ASB15: variants seen among roughly 807,000 people sequenced by gnomAD.
ASB15 encodes ankyrin repeat and SOCS box containing 15, also known as ankyrin repeat and SOCS box protein 15.
A neutral mutation model predicts 58.0 loss-of-function variants in ASB15; 54 were observed. The observed-to-expected ratio is 0.93, with a 90% CI of 0.75 to 1.17. ASB15 has a LOEUF of 1.17. ASB15 is among the 50% of genes most tolerant of loss of function. The pLI is 0.00. For synonymous variants in ASB15, 249 were observed against 262.4 expected (o/e 0.95, Z 0.50); for missense variants, 680 against 707.4 (o/e 0.96, Z 0.44).
At position 123,638,185 on chromosome 7, in the gene ASB15, A is replaced by G. The variant is rs1464576995; in HGVS notation, c.*1204A>G. On this transcript the variant is annotated 3_prime_UTR_variant, in exon 12 of 12. Transcript: ENST00000451215. ...GTCCCAAACACTTTCTACATACAGC[A>G]TCTCAGAAGAGTCTTTTACAAATAT... 1 of 152,074 alleles carries G rather than the reference A, an allele frequency of 6.6e-6. No homozygotes were observed. Among genetic ancestry groups the G allele is most frequent in the Non-Finnish European group, 1.5e-5 (1 of 68,018 alleles). The allele number at this position is 152,074 out of a possible 1,614,324, so 9.4% of individuals were successfully genotyped here. A position where few individuals can be genotyped will look rare whatever the true frequency, so the allele number is the denominator to read the frequency against.
rs1801869992 is a variant in ASB15 at position 123,627,429 on chromosome 7, TA to T, written c.869+149del. ...TTTTGATGCTCCAAATTTAGATATT[TA>T]GAACTTATTTAATTTTCCTCCTTTT... is the stretch of plus-strand genomic sequence containing the variant. On this transcript the variant is annotated intron_variant, in intron 9 of 11. Coordinates refer to ENST00000451215, the MANE Select transcript of ASB15 (RefSeq NM_001290258.2). The T allele has an allele frequency of 5.0e-6, 3 of 604,030 alleles. No individual in the cohort carries two copies. In the East Asian group the frequency reaches 9.4e-5, roughly 19 times the overall value. 37.4% of individuals were successfully genotyped at this position (604,030 alleles called of 1,614,324 possible). A position where few individuals can be genotyped will look rare whatever the true frequency, so the allele number is the denominator to read the frequency against.
chr7:123,621,360 C>G lies in ASB15; in HGVS notation c.452-3209C>G, dbSNP rs988939638. On this transcript the variant is annotated intron_variant, in intron 7 of 11. Coordinates refer to ENST00000451215, the MANE Select transcript of ASB15 (RefSeq NM_001290258.2). ...TGCTCATATACATCCTCATCAGCCA[C>G]ACATCTGGGGAATAGGGACTTTTCC... The G allele has an allele frequency of 3.9e-5, 6 of 152,172 alleles. 1 individual carries two copies. The highest frequency in any genetic ancestry group is 2.6e-4 in the Admixed American group (4 of 15,282). 9.4% of individuals were successfully genotyped at this position (152,172 alleles called of 1,614,324 possible). A position where few individuals can be genotyped will look rare whatever the true frequency, so the allele number is the denominator to read the frequency against.
At position 123,636,829 on chromosome 7, in the gene ASB15, C is replaced by CA. The variant is rs1802452421; in HGVS notation, c.1616dup (p.His539GlnfsTer38). On this transcript the variant is annotated frameshift_variant, in exon 12 of 12. Coordinates refer to ENST00000451215, the MANE Select transcript of ASB15 (RefSeq NM_001290258.2). LOFTEE classifies it high-confidence loss of function. The stretch of plus-strand genomic sequence containing the variant: ...TTTAGAGAATCCTTGTTCATTGAAG[C>CA]ATTTGTGTCGGTTAAAAATTCGAAG... 4 of 1,607,946 alleles carry CA rather than the reference C, an allele frequency of 2.5e-6. No individual in the cohort carries two copies. The highest frequency in any genetic ancestry group is 3.4e-6 in the Non-Finnish European group (4 of 1,178,276).
intron 1 of ASB15, among the ~76,000 whole-genome samples, chr7:123,594,526 A>T (rs1349199901): frequency 6.6e-6 from 1 of 152,056 alleles, no homozygotes; most frequent in Admixed American, 6.5e-5. Context: ...TTTTCCTTCT[A>T]ACAGACAGGC....
At chr7:123,574,810 C>T (rs1170735020) in intron 1 of ASB15, among the ~76,000 whole-genome samples, 1 of 152,102 alleles carries the variant, frequency 6.6e-6, no homozygotes, top group East Asian at 1.9e-4. Flanking sequence ...GCAGCTTACA[C>T]ATCTTTAAGT....
intron 1 of ASB15, among the ~76,000 whole-genome samples, chr7:123,584,459 C>T (rs1201724491): frequency 6.6e-6 from 1 of 151,902 alleles, no homozygotes; most frequent in East Asian, 1.9e-4. Context: ...CTAAGAACAA[C>T]TGCTCTATGG....
At chr7:123,581,880 T>C (rs949041038) in intron 1 of ASB15, among the ~76,000 whole-genome samples, 1 of 152,030 alleles carries the variant, frequency 6.6e-6, no homozygotes, top group Non-Finnish European at 1.5e-5. Flanking sequence ...AAAAGACTTC[T>C]GCAAACCATT....
chr7:123,576,847 A>G (rs1294972298), intron 1 of ASB15, among the ~76,000 whole-genome samples: 3 of 152,170 alleles, frequency 2.0e-5, no homozygotes, highest in Admixed American at 6.6e-5. Context: ...CATTTCTTGC[A>G]GGGTCTGCTG....
chr7:123,576,913 T>C (rs1399420034), intron 1 of ASB15, among the ~76,000 whole-genome samples: 1 of 152,200 alleles, frequency 6.6e-6, no homozygotes, highest in Non-Finnish European at 1.5e-5. Flanking sequence ...TACTTTATTC[T>C]TCTTGTCATT....
intron 1 of ASB15, among the ~76,000 whole-genome samples, chr7:123,575,936 T>C (rs1398964721): frequency 6.6e-6 from 1 of 151,474 alleles, no homozygotes; most frequent in Non-Finnish European, 1.5e-5. Context: ...AAACCTTCTT[T>C]TATTTCAGGA....
At chr7:123,604,898 TACTG>T (rs768431095) in intron 2 of ASB15, among the ~76,000 whole-genome samples, 47 of 152,274 alleles carry the variant, frequency 3.1e-4, no homozygotes, top group Non-Finnish European at 5.9e-4. Flanking sequence ...AGGTAATGTT[TACTG>T]ACTACTTGTG....
chr7:123,623,317 T>G (rs1801458486), intron 7 of ASB15, among the ~76,000 whole-genome samples: 1 of 152,158 alleles, frequency 6.6e-6, no homozygotes, highest in African/African-American at 2.4e-5. Context: ...TAATAAGATT[T>G]TACTTAAAAG....
intron 7 of ASB15, 114 bp from the exon 8 acceptor site, chr7:123,624,454 GA>G (rs1430920839): frequency 2.2e-5 from 22 of 990,008 alleles, no homozygotes; most frequent in Non-Finnish European, 2.7e-5. Flanking sequence ...TTTCCTTGTA[GA>G]AAAAAAGTTA....
intron 10 of ASB15, 60 bp from the exon 11 acceptor site, chr7:123,629,906 G>C: frequency 4.5e-6 from 5 of 1,110,882 alleles, no homozygotes; most frequent in Non-Finnish European, 6.1e-6. Context: ...TAACACAATT[G>C]AGTGTTTATG....
intron 8 of ASB15, chr7:123,625,042 T>C (rs1801683643): frequency 1.9e-6 from 1 of 517,492 alleles, no homozygotes; most frequent in Non-Finnish European, 3.5e-6. Context: ...CCAGTCCTGA[T>C]TGCTCTCTCG....
chr7:123,635,009 T>G (rs1242209866), intron 11 of ASB15, among the ~76,000 whole-genome samples: 2 of 152,162 alleles, frequency 1.3e-5, no homozygotes, highest in African/African-American at 4.8e-5. Flanking sequence ...TAAAGGGCAT[T>G]TGGGTTCTTC....
chr7:123,601,857 C>A lies in ASB15; in HGVS notation c.-302C>A, dbSNP rs1799897298. On this transcript the variant is annotated 5_prime_UTR_variant, in exon 1 of 12. Coordinates refer to ENST00000451215, the MANE Select transcript of ASB15 (RefSeq NM_001290258.2). The stretch of plus-strand genomic sequence containing the variant: ...AGCACACATTGGCTCCAGGGCACTT[C>A]CTCTGATTTAGGAAGGCAAGTCCCT... The A allele has an allele frequency of 6.6e-6, 1 of 152,058 alleles. No individual in the cohort carries two copies. The highest frequency in any genetic ancestry group is 2.1e-4 in the South Asian group (1 of 4,822). The allele number at this position is 152,058 out of a possible 1,614,324, so 9.4% of individuals were successfully genotyped here.
chr7:123,627,169 G>A lies in ASB15; in HGVS notation c.757G>A (p.Gly253Ser). The A allele has an allele frequency of 6.2e-7, 1 of 1,614,064 alleles. No homozygotes were observed. The highest frequency in any genetic ancestry group is 8.5e-7 in the Non-Finnish European group (1 of 1,179,974). The change falls in exon 9 of 12, where the codon GGT (glycine) becomes AGT (serine). Residue 253 changes from glycine (G) to serine (S), a missense_variant. Transcript: ENST00000451215. The stretch of plus-strand genomic sequence containing the variant: ...GTCGGTGCTGTTTGAGGCAGCAGGA[G>A]GTGGCAATCCCGACTGCATTTCCCT... Reference protein sequence around the residue: ...GASVLFEAAGGGNPDCISLLL... With the variant: ...GASVLFEAAGSGNPDCISLLL...
rs1333789098 is a variant in ASB15 at position 123,637,531 on chromosome 7, C to T, written c.*550C>T. The T allele has an allele frequency of 1.3e-5, 2 of 152,460 alleles. No individual in the cohort carries two copies. The highest frequency in any genetic ancestry group is 6.5e-5 in the Admixed American group (1 of 15,272). The allele number at this position is 152,460 out of a possible 1,614,324, so 9.4% of individuals were successfully genotyped here. On this transcript the variant is annotated 3_prime_UTR_variant, in exon 12 of 12. Transcript: ENST00000451215. ...GCCTGTTCCTTGCTTGAAATGATAT[C>T]TCTTTCCTTGTTTCTCGCAAAACCT...
Sources: allele counts gnomAD v4.1 joint callset (sites outside exome capture counted in the v4.1 genomes callset), GRCh38; gene constraint gnomAD v4.1.1; transcripts MANE v1.5; gene names NCBI Gene and HGNC (gene_info 2026-07-23, HGNC 2026-07-21).